The following PDE1C variants were observed in gnomAD, a reference collection of about 807,000 sequenced individuals.
The protein encoded by PDE1C is phosphodiesterase 1C.
In PDE1C, 62 loss-of-function variants were observed where a neutral mutation model predicts 93.1. The ratio of observed to expected loss-of-function variants is 0.67; its 90% CI spans 0.54 to 0.82. The LOEUF (loss-of-function observed/expected upper bound fraction) is 0.82, where lower values mean the gene tolerates loss of function less well. PDE1C is among the 40% of genes least tolerant of loss of function. The pLI is 0.00. For missense variants in PDE1C, 742 were observed against 884.6 expected (o/e 0.84, Z 2.04); for synonymous variants, 325 against 310.1 (o/e 1.05, Z -0.50).
intron 2 of PDE1C, among the ~76,000 whole-genome samples, chr7:31,932,863 C>T (rs1347128402): frequency 6.6e-6 from 1 of 152,170 alleles, no homozygotes; most frequent in African/African-American, 2.4e-5. Context: ...GGCACATATA[C>T]ACCATGGAAT....
chr7:32,381,572 C>A (rs990633741), intron 1 of PDE1C, among the ~76,000 whole-genome samples: 6 of 152,130 alleles, frequency 3.9e-5, no homozygotes, highest in African/African-American at 1.4e-4. Context: ...ATACTTCTAC[C>A]TCAGGGCCTC....
intron 3 of PDE1C, among the ~76,000 whole-genome samples, chr7:32,153,382 A>G (rs933729005): frequency 3.3e-5 from 5 of 152,194 alleles, no homozygotes; most frequent in Non-Finnish European, 5.9e-5. Flanking sequence ...TTATCTGGTG[A>G]CTACAGCTAA....
intron 2 of PDE1C, among the ~76,000 whole-genome samples, chr7:32,182,866 G>T (rs979527661): frequency 6.6e-6 from 1 of 152,154 alleles, no homozygotes; most frequent in African/African-American, 2.4e-5. Flanking sequence ...AATTGTCCCT[G>T]TTTGCAGATG....
At chr7:31,758,001 C>T (rs1315040581) in intron 17 of PDE1C, among the ~76,000 whole-genome samples, 3 of 152,140 alleles carry the variant, frequency 2.0e-5, no homozygotes, top group Non-Finnish European at 4.4e-5. Flanking sequence ...TTTGTAGGGA[C>T]ATGGATGAAG....
rs78172182 is a variant in PDE1C at position 32,421,970 on chromosome 7, G to A, written c.310+5852C>T. The stretch of plus-strand genomic sequence containing the variant: ...TTTGAAAGCAATGAATCCAGTAACC[G>A]CCAGGAAAGAGAATCAAAAGAAAGT... On this transcript the variant is annotated intron_variant, in intron 1 of 1. Coordinates refer to the PDE1C transcript ENST00000672256. 3.3e-5 allele frequency among the ~76,000 whole-genome samples: 5 copies of A among 152,104 alleles called. No homozygotes were observed. The East Asian group carries it at 5.8e-4, about 18-fold the overall frequency.
At chr7:31,989,764 AT>A (rs752229428) in intron 2 of PDE1C, among the ~76,000 whole-genome samples, 4 of 152,178 alleles carry the variant, frequency 2.6e-5, no homozygotes, top group Non-Finnish European at 5.9e-5. Context: ...AGCTGTGTCT[AT>A]GTCTCAGCTT....
the PDE1C span, chr7:31,652,827 T>G: frequency 6.2e-7 from 1 of 1,611,156 alleles, no homozygotes; most frequent in Non-Finnish European, 8.5e-7. Context: ...TGTCTTCCTC[T>G]AGATCAGAGC....
chr7:31,789,605 A>G, intron 16 of PDE1C: 1 of 897,154 alleles, frequency 1.1e-6, no homozygotes, highest in Non-Finnish European at 1.3e-6. Context: ...CCTATAGAAT[A>G]ATCTTTTTTA....
intron 1 of PDE1C, among the ~76,000 whole-genome samples, chr7:32,215,685 T>G (rs1013565916): frequency 6.6e-5 from 10 of 152,152 alleles, no homozygotes; most frequent in Non-Finnish European, 1.5e-4. Context: ...CAAAGGAGAA[T>G]AAAGGGGAAG....
chr7:31,673,051 C>T, the PDE1C span, among the ~76,000 whole-genome samples: 37 of 152,292 alleles, frequency 2.4e-4, no homozygotes, highest in Middle Eastern at 6.8e-3. Flanking sequence ...CTGAGGCCTC[C>T]TCTGCCACAT....
chr7:31,867,655 G>A (rs1562944585), intron 6 of PDE1C, among the ~76,000 whole-genome samples: 1 of 152,154 alleles, frequency 6.6e-6, no homozygotes, highest in Non-Finnish European at 1.5e-5. Context: ...CTGTTCAGGG[G>A]ACTGAGAAGC....
chr7:32,080,681 C>T (rs893729788), intron 3 of PDE1C, among the ~76,000 whole-genome samples: 25 of 152,188 alleles, frequency 1.6e-4, no homozygotes, highest in African/African-American at 5.8e-4. Flanking sequence ...ATTAACTACT[C>T]CTGACAGTGT....
downstream of PDE1C, among the ~76,000 whole-genome samples, chr7:31,746,400 A>C (rs146637800): frequency 6.6e-6 from 1 of 152,284 alleles, no homozygotes; most frequent in Non-Finnish European, 1.5e-5. Context: ...GCTGCAGGAG[A>C]ATATGGGAGT....
At chr7:32,020,968 G>A (rs1420613778) in intron 2 of PDE1C, among the ~76,000 whole-genome samples, 1 of 152,146 alleles carries the variant, frequency 6.6e-6, no homozygotes, top group Non-Finnish European at 1.5e-5. Context: ...CTTTGCTACA[G>A]AAACAAACAA....
At chr7:31,707,068 G>C in the PDE1C span, 2 of 693,452 alleles carry the variant, frequency 2.9e-6, no homozygotes, top group African/African-American at 3.6e-5. Flanking sequence ...CTCTGGGTTG[G>C]TACTGTTAGC....
At chr7:31,835,559 T>TGC (rs1387324274) in intron 11 of PDE1C, among the ~76,000 whole-genome samples, 1 of 150,636 alleles carries the variant, frequency 6.6e-6, no homozygotes, top group African/African-American at 2.4e-5. Context: ...TGTGTGTGCG[T>TGC]GCATGTGCAC....
At chr7:32,338,277 A>G (rs1488678772) in intron 1 of PDE1C, among the ~76,000 whole-genome samples, 1 of 152,222 alleles carries the variant, frequency 6.6e-6, no homozygotes, top group South Asian at 2.1e-4. Flanking sequence ...ACAACAACAA[A>G]GAAAAACAAC....
At position 32,380,223 on chromosome 7, in the gene PDE1C, TC is replaced by T. The variant is rs1245193549; in HGVS notation, c.310+47598del. ...TATTGTCCTCCACTTCCATCCTCTCTCTCTCTCTCTTTTTTTTTTATTTATT... is the reference window on the plus strand; with the variant it reads ...TATTGTCCTCCACTTCCATCCTCTCTTCTCTCTCTTTTTTTTTTATTTATT... On this transcript the variant is annotated intron_variant, in intron 1 of 1. Coordinates refer to the PDE1C transcript ENST00000672256. Among the ~76,000 whole-genome samples the T allele has an allele frequency of 5.9e-5, 9 of 151,754 alleles. No homozygotes were observed. In the East Asian group the frequency reaches 1.7e-3, roughly 29 times the overall value.
chr7:32,108,997 C>T (rs904412411), intron 3 of PDE1C, among the ~76,000 whole-genome samples: 3 of 152,102 alleles, frequency 2.0e-5, no homozygotes, highest in African/African-American at 7.2e-5. Context: ...AAAATAAGGA[C>T]CTTTGGCCAA....
Sources: gnomAD v4.1 joint callset for allele counts (sites outside exome capture counted in the v4.1 genomes callset) on GRCh38, gnomAD v4.1.1 for gene constraint, MANE v1.5 for transcripts, NCBI Gene and HGNC (gene_info 2026-07-23, HGNC 2026-07-21) for gene names.